PPARG: variants seen among roughly 807,000 people sequenced by gnomAD.
PPARG encodes peroxisome proliferator activated receptor gamma.
A neutral mutation model predicts 39.2 loss-of-function variants in PPARG; 17 were observed. That is an observed-to-expected ratio of 0.43 (90% confidence interval 0.30 to 0.65). PPARG has a LOEUF of 0.65. Ranked by LOEUF, PPARG falls within the 30% of genes least tolerant of loss-of-function variation. The probability of loss-of-function intolerance (pLI) is 0.13; values close to 1 mark genes in which losing one functional copy is unlikely to be tolerated. For missense variants in PPARG, 406 were observed against 585.9 expected, an observed-to-expected ratio of 0.69 and a Z score of 3.17; for synonymous variants, 223 against 215.7, an observed-to-expected ratio of 1.03 and a Z score of -0.30.
chr3:12,315,799 C>T (rs962770774), intron 2 of PPARG, among the ~76,000 whole-genome samples: 5 of 152,126 alleles, frequency 3.3e-5, no homozygotes, highest in Non-Finnish European at 5.9e-5. Context: ...TCTGCCTCCT[C>T]GGGAACCACA....
intron 5 of PPARG, among the ~76,000 whole-genome samples, chr3:12,397,743 T>C (rs1391352182): frequency 6.6e-6 from 1 of 151,902 alleles, no homozygotes; most frequent in Non-Finnish European, 1.5e-5. Context: ...GTCTTCTTGG[T>C]TGTGTAAAGA....
intron 1 of PPARG, among the ~76,000 whole-genome samples, chr3:12,296,004 C>A (rs2046771812): frequency 6.6e-6 from 1 of 151,962 alleles, no homozygotes; most frequent in Non-Finnish European, 1.5e-5. Context: ...GTAATCCCAG[C>A]ACTTTGGGCA....
chr3:12,333,944 T>C (rs1425965129), intron 2 of PPARG, among the ~76,000 whole-genome samples: 1 of 152,234 alleles, frequency 6.6e-6, no homozygotes, highest in East Asian at 1.9e-4. Context: ...TTTGAGTCCC[T>C]GTGAAACTTT....
intron 2 of PPARG, among the ~76,000 whole-genome samples, chr3:12,322,277 G>C (rs535292230): frequency 6.6e-6 from 1 of 152,322 alleles, no homozygotes; most frequent in East Asian, 1.9e-4. Flanking sequence ...TGAAAGACTA[G>C]ACTAGTTATT....
At chr3:12,380,703 A>C (rs577542973) in intron 3 of PPARG, among the ~76,000 whole-genome samples, 128 of 152,284 alleles carry the variant, frequency 8.4e-4, no homozygotes, top group Middle Eastern at 3.4e-3. Flanking sequence ...TTAGAGCCTA[A>C]TATGGAAATT....
chr3:12,412,763 A>G (rs375429959), intron 6 of PPARG, among the ~76,000 whole-genome samples: 20 of 152,174 alleles, frequency 1.3e-4, no homozygotes, highest in African/African-American at 4.8e-4. Context: ...ATAATTTGTA[A>G]TATTTTCCTT....
At chr3:12,384,122 C>A (rs375954462) in intron 4 of PPARG, among the ~76,000 whole-genome samples, 1 of 151,844 alleles carries the variant, frequency 6.6e-6, no homozygotes, top group South Asian at 2.1e-4. Context: ...GACATCTACA[C>A]GTTTTAAAGG....
At chr3:12,371,699 G>A (rs41311317) in intron 2 of PPARG, among the ~76,000 whole-genome samples, 43 of 152,316 alleles carry the variant, frequency 2.8e-4, no homozygotes, top group East Asian at 2.5e-3. Context: ...ATAACACAGC[G>A]CTGAGAATGC....
intron 1 of PPARG, among the ~76,000 whole-genome samples, chr3:12,293,043 C>A (rs1296343676): frequency 5.9e-5 from 9 of 152,246 alleles, no homozygotes; most frequent in Non-Finnish European, 1.5e-5. Flanking sequence ...CTTCCACTGC[C>A]TTAATCCTAC....
chr3:12,290,023 G>A (rs2046609265), intron 1 of PPARG, among the ~76,000 whole-genome samples: 1 of 152,008 alleles, frequency 6.6e-6, no homozygotes, highest in Admixed American at 6.6e-5. Flanking sequence ...GTCCATTTTT[G>A]TCTTCTTGTG....
At chr3:12,401,905 C>T (rs898126180) in intron 5 of PPARG, among the ~76,000 whole-genome samples, 5 of 152,128 alleles carry the variant, frequency 3.3e-5, no homozygotes, top group African/African-American at 1.2e-4. Context: ...GAGATTATAG[C>T]AGAGGGATCT....
At chr3:12,404,974 A>T (rs949273287) in intron 5 of PPARG, among the ~76,000 whole-genome samples, 9 of 152,196 alleles carry the variant, frequency 5.9e-5, no homozygotes, top group Admixed American at 5.9e-4. Context: ...CGTGAGTGTA[A>T]GAACAGAGCT....
intron 1 of PPARG, among the ~76,000 whole-genome samples, chr3:12,307,830 A>G (rs1367082923): frequency 6.6e-6 from 1 of 152,192 alleles, no homozygotes; most frequent in Non-Finnish European, 1.5e-5. Flanking sequence ...TTAATTTTGC[A>G]GAGAATGAGG....
intron 1 of PPARG, among the ~76,000 whole-genome samples, chr3:12,290,111 G>A (rs1451315454): frequency 6.6e-6 from 1 of 152,082 alleles, no homozygotes; most frequent in Non-Finnish European, 1.5e-5. Context: ...TGTCTTAAGA[G>A]ATCTTTGAAT....
chr3:12,341,285 A>G (rs952594592), intron 2 of PPARG, among the ~76,000 whole-genome samples: 2 of 152,346 alleles, frequency 1.3e-5, no homozygotes, highest in South Asian at 2.1e-4. Flanking sequence ...TTGAAATAAA[A>G]TTCTCTAAAA....
At chr3:12,322,587 A>T (rs1162380924) in intron 2 of PPARG, among the ~76,000 whole-genome samples, 1 of 152,210 alleles carries the variant, frequency 6.6e-6, no homozygotes, top group Admixed American at 6.5e-5. Context: ...TTAAGTAAGG[A>T]TGTGGATACA....
At chr3:12,300,969 A>G (rs937156142) in intron 1 of PPARG, among the ~76,000 whole-genome samples, 3 of 152,200 alleles carry the variant, frequency 2.0e-5, no homozygotes, top group African/African-American at 7.2e-5. Flanking sequence ...TATCACTTGT[A>G]TAGGATTCTC....
At chr3:12,317,889 C>T (rs1379228949) in intron 2 of PPARG, among the ~76,000 whole-genome samples, 1 of 152,072 alleles carries the variant, frequency 6.6e-6, no homozygotes, top group East Asian at 1.9e-4. Flanking sequence ...TTACTTAAGG[C>T]TTTGGGTGTA....
chr3:12,379,062 A>C (rs571691613), intron 2 of PPARG, among the ~76,000 whole-genome samples: 1 of 151,968 alleles, frequency 6.6e-6, no homozygotes, highest in African/African-American at 2.4e-5. Flanking sequence ...GCTGGAGTGC[A>C]GTGGTGTGAT....
Sources: gnomAD v4.1 joint callset for allele counts (sites outside exome capture counted in the v4.1 genomes callset) on GRCh38, gnomAD v4.1.1 for gene constraint, MANE v1.5 for transcripts, NCBI Gene and HGNC (gene_info 2026-07-23, HGNC 2026-07-21) for gene names.